The following SLC35E2B variants were observed in gnomAD, a reference collection of about 807,000 sequenced individuals.
The protein encoded by SLC35E2B is solute carrier family 35, member E2B.
Under a neutral mutation model 32.4 loss-of-function variants are expected in SLC35E2B, and 18 were observed. That is an observed-to-expected ratio of 0.56 (90% CI 0.38 to 0.82). The LOEUF (loss-of-function observed/expected upper bound fraction) is 0.82, where lower values mean the gene tolerates loss of function less well. Ranked by LOEUF, SLC35E2B falls within the 40% of genes least tolerant of loss-of-function variation. The pLI, the probability that SLC35E2B is intolerant of heterozygous loss-of-function variation, is 0.00. For synonymous variants in SLC35E2B, 132 were observed against 209.1 expected (o/e 0.63, Z 3.18); for missense variants, 263 against 469.5 (o/e 0.56, Z 4.06).
chr1:1,683,279 C>A (rs1004066813), intron 2 of SLC35E2B, among the ~76,000 whole-genome samples: 1 of 152,098 alleles, frequency 6.6e-6, no homozygotes, highest in East Asian at 1.9e-4. Flanking sequence ...AGGTCCCCTG[C>A]GGCGAGGGCT....
chr1:1,684,985 T>C (rs1340195849), intron 2 of SLC35E2B, among the ~76,000 whole-genome samples: 2 of 145,966 alleles, frequency 1.4e-5, no homozygotes, highest in African/African-American at 5.1e-5. Flanking sequence ...CGCATGCCTG[T>C]AGTCCCAGCT....
At chr1:1,670,327 G>A (rs1360355357) in intron 6 of SLC35E2B, 176 bp from the exon 7 acceptor site, 18 of 556,470 alleles carry the variant, frequency 3.2e-5, no homozygotes, top group Non-Finnish European at 5.8e-5. Context: ...TCACCGTGTT[G>A]GCCAGGCTGG....
chr1:1,669,182 C>T (rs1049990426), intron 8 of SLC35E2B, among the ~76,000 whole-genome samples: 2 of 151,646 alleles, frequency 1.3e-5, no homozygotes, highest in African/African-American at 4.8e-5. Context: ...CTTGAAACTG[C>T]ATCTCACACA....
intron 7 of SLC35E2B, 30 bp downstream of exon 7, chr1:1,670,068 T>C (rs1344723128): frequency 2.6e-6 from 4 of 1,535,428 alleles, no homozygotes; most frequent in East Asian, 4.9e-5. Flanking sequence ...GTCTTATGAC[T>C]TGGAGATTTC....
chr1:1,669,563 C>T (rs1643630634), intron 8 of SLC35E2B, 101 bp downstream of exon 8: 3 of 1,274,706 alleles, frequency 2.4e-6, no homozygotes, highest in East Asian at 2.6e-5. Context: ...CTGGGCCCAA[C>T]CAGCCAGCAC....
At chr1:1,672,646 C>CCT (rs1298208932) in intron 5 of SLC35E2B, 1 of 152,262 alleles carries the variant, frequency 6.6e-6, no homozygotes, top group East Asian at 1.9e-4. Flanking sequence ...CTATATCCAG[C>CCT]ACCAGATTCC....
At chr1:1,667,451 A>C (rs980998905) in intron 9 of SLC35E2B, among the ~76,000 whole-genome samples, 1 of 151,836 alleles carries the variant, frequency 6.6e-6, no homozygotes, top group Non-Finnish European at 1.5e-5. Context: ...ATAAACAAAT[A>C]AATTGCAGCT....
At position 1,665,322 on chromosome 1, in the gene SLC35E2B, C is replaced by T; in HGVS notation, c.*460G>A. ...CCTCTGTCCCCTCCCTTCGGCCCTG[C>T]TCTGTGGCCTCATGCCCAGGGCCAG... is the stretch of plus-strand genomic sequence containing the variant. On this transcript the variant is annotated 3_prime_UTR_variant, in exon 10 of 10. Transcript: ENST00000617444. 1 of 377,826 alleles carries T rather than the reference C, an allele frequency of 2.6e-6. No individual in the cohort carries two copies. 23.4% of individuals were successfully genotyped at this position (377,826 alleles called of 1,614,324 possible).
Position 1,663,398 on chromosome 1 carries a change from C to A in SLC35E2B, c.*2384G>T. On this transcript the variant is annotated 3_prime_UTR_variant, in exon 10 of 10. Coordinates refer to ENST00000617444, the MANE Select transcript of SLC35E2B (RefSeq NM_001290264.2). ...GCCACATTCTCGACGGGGAGGTGGA[C>A]AAGGCCACCCTGGGAGTTGCTTTCA... The A allele has an allele frequency of 1.1e-6, 1 of 874,266 alleles. No individual in the cohort carries two copies. Among genetic ancestry groups the A allele is most frequent in the Non-Finnish European group, 1.3e-6 (1 of 744,618 alleles). The allele number at this position is 874,266 out of a possible 1,614,324, so 54.2% of individuals were successfully genotyped here.
chr1:1,679,072 G>A (rs539219803), intron 2 of SLC35E2B, among the ~76,000 whole-genome samples: 1 of 152,256 alleles, frequency 6.6e-6, no homozygotes, highest in South Asian at 2.1e-4. Flanking sequence ...CACCTCGAAG[G>A]CTGCCCCCTG....
Position 1,671,492 on chromosome 1 carries a change from C to T in SLC35E2B, c.707+17G>A, listed in dbSNP as rs1643690325. The stretch of plus-strand genomic sequence containing the variant: ...CCGGGTCTCGTCCCCCTCACGCCCA[C>T]CTTCTCTGTGACTCACCAGTCCATG... On this transcript the variant is annotated intron_variant, in intron 6 of 9. Coordinates refer to ENST00000617444, the MANE Select transcript of SLC35E2B (RefSeq NM_001290264.2). 6.7e-7 allele frequency: 1 copy of T among 1,485,870 alleles called. No individual in the cohort carries two copies. The allele number at this position is 1,485,870 out of a possible 1,614,324, so 92.0% of individuals were successfully genotyped here.
intron 6 of SLC35E2B, 184 bp downstream of exon 6, chr1:1,671,325 G>A: frequency 1.7e-6 from 1 of 605,136 alleles, no homozygotes; most frequent in South Asian, 4.9e-5. Context: ...TGAAATTTCG[G>A]CTTATTTTTG....
intron 6 of SLC35E2B, chr1:1,670,717 A>G (rs1643666541): frequency 6.6e-6 from 1 of 152,438 alleles, no homozygotes. Flanking sequence ...CACTGTGCCC[A>G]ACATATTTTT....
intron 2 of SLC35E2B, among the ~76,000 whole-genome samples, chr1:1,688,901 G>A (rs1357547751): frequency 6.6e-6 from 1 of 151,202 alleles, no homozygotes; most frequent in African/African-American, 2.4e-5. Flanking sequence ...GTCGGGCGCG[G>A]TGGCTCAAGC....
At chr1:1,690,377 A>G (rs1644005101) in intron 2 of SLC35E2B, among the ~76,000 whole-genome samples, 1 of 150,416 alleles carries the variant, frequency 6.6e-6, no homozygotes, top group South Asian at 2.1e-4. Context: ...TACTTGCAAC[A>G]TGGCAAAGGA....
At chr1:1,668,806 C>T (rs1248539894) in intron 8 of SLC35E2B, among the ~76,000 whole-genome samples, 1 of 152,074 alleles carries the variant, frequency 6.6e-6, no homozygotes, top group African/African-American at 2.4e-5. Flanking sequence ...GTCTGGCCAA[C>T]ACGGTGAAAC....
chr1:1,687,899 A>C (rs1643970929), intron 2 of SLC35E2B, among the ~76,000 whole-genome samples: 1 of 152,110 alleles, frequency 6.6e-6, no homozygotes, highest in South Asian at 2.1e-4. Flanking sequence ...TAAAAAACAC[A>C]ACATAACAAA....
chr1:1,670,197 C>T (rs776957676), intron 6 of SLC35E2B, 46 bp from the exon 7 acceptor site: 28 of 1,387,908 alleles, frequency 2.0e-5, no homozygotes, highest in South Asian at 1.7e-4. Flanking sequence ...GTCCTCGGCA[C>T]GGAACATCAG....
intron 2 of SLC35E2B, among the ~76,000 whole-genome samples, chr1:1,677,404 C>T (rs1643862974): frequency 6.6e-6 from 1 of 151,618 alleles, no homozygotes. Flanking sequence ...TGCCTGGCAG[C>T]TGCACCTTCT....
Sources: allele counts gnomAD v4.1 joint callset (sites outside exome capture counted in the v4.1 genomes callset), GRCh38; gene constraint gnomAD v4.1.1; transcripts MANE v1.5; gene names NCBI Gene and HGNC (gene_info 2026-07-23, HGNC 2026-07-21).